The following TNRC6A variants were observed in gnomAD, a reference collection of about 807,000 sequenced individuals.
TNRC6A encodes trinucleotide repeat containing adaptor 6A.
In TNRC6A, 44 loss-of-function variants were observed where a neutral mutation model predicts 221.2. The observed-to-expected ratio is 0.20, with a 90% CI of 0.16 to 0.26. The LOEUF (loss-of-function observed/expected upper bound fraction) is 0.26, where lower values mean the gene tolerates loss of function less well. TNRC6A is among the 10% of genes least tolerant of loss of function. The pLI, the probability that TNRC6A is intolerant of heterozygous loss-of-function variation, is 1.00. For synonymous variants in TNRC6A, 847 were observed against 838.5 expected (o/e 1.01, Z -0.18); for missense variants, 2,199 against 2,404.4 (o/e 0.91, Z 1.79).
chr16:24,696,339 C>T (rs1322352287), intron 2 of TNRC6A, among the ~76,000 whole-genome samples: 5 of 104,698 alleles, frequency 4.8e-5, no homozygotes, highest in African/African-American at 2.1e-4. Context: ...CAGAGTCAGA[C>T]TCCATCTCAA....
At chr16:24,738,050 T>G (rs1359703146) in intron 2 of TNRC6A, among the ~76,000 whole-genome samples, 1 of 152,220 alleles carries the variant, frequency 6.6e-6, no homozygotes, top group South Asian at 2.1e-4. Context: ...ATGTGCATTC[T>G]CTACACTGCT....
intron 20 of TNRC6A, 134 bp downstream of exon 20, chr16:24,817,090 A>G: frequency 1.2e-6 from 1 of 821,328 alleles, no homozygotes; most frequent in Non-Finnish European, 1.8e-6. Flanking sequence ...GCTTGAGGCA[A>G]GCCTGGGCAA....
chr16:24,677,615 C>T (rs763374519), intron 2 of TNRC6A, among the ~76,000 whole-genome samples: 4 of 152,202 alleles, frequency 2.6e-5, no homozygotes, highest in East Asian at 3.8e-4. Flanking sequence ...TGAAACAGTG[C>T]GTGAATTACA....
At chr16:24,759,267 G>A (rs566108333) in intron 4 of TNRC6A, among the ~76,000 whole-genome samples, 30 of 152,268 alleles carry the variant, frequency 2.0e-4, no homozygotes, top group African/African-American at 7.2e-4. Context: ...TGAAAAGATA[G>A]ATAGGGGCCA....
intron 4 of TNRC6A, among the ~76,000 whole-genome samples, chr16:24,759,880 G>C (rs1596633909): frequency 6.6e-6 from 1 of 152,138 alleles, no homozygotes; most frequent in African/African-American, 2.4e-5. Context: ...ACAGTTACAA[G>C]GATGCGGAAT....
intron 5 of TNRC6A, among the ~76,000 whole-genome samples, chr16:24,786,934 G>A (rs1010589668): frequency 6.6e-6 from 1 of 152,154 alleles, no homozygotes; most frequent in Non-Finnish European, 1.5e-5. Context: ...CCTCGCCTTG[G>A]CCTCCCAAAG....
chr16:24,731,314 C>T (rs946994354), intron 2 of TNRC6A, among the ~76,000 whole-genome samples: 7 of 152,104 alleles, frequency 4.6e-5, no homozygotes, highest in Non-Finnish European at 7.4e-5. Context: ...TTTTAACACT[C>T]ACATTTCAAA....
At chr16:24,708,643 C>T (rs1011647229) in intron 2 of TNRC6A, among the ~76,000 whole-genome samples, 3 of 152,018 alleles carry the variant, frequency 2.0e-5, no homozygotes, top group African/African-American at 7.2e-5. Flanking sequence ...TTGTCTCTCA[C>T]CCACCTTCCA....
At chr16:24,666,334 G>A (rs987292593) in intron 2 of TNRC6A, among the ~76,000 whole-genome samples, 122 of 151,808 alleles carry the variant, frequency 8.0e-4, no homozygotes, top group African/African-American at 2.7e-3. Context: ...TTAGCCAGGC[G>A]TGGTGGCAGG....
intron 1 of TNRC6A, 99 bp downstream of exon 1, chr16:24,729,945 G>A: frequency 2.8e-6 from 3 of 1,064,826 alleles, no homozygotes; most frequent in Non-Finnish European, 3.5e-6. Context: ...GCGGCGCCGG[G>A]CGTCCCCGAG....
At chr16:24,817,369 G>C (rs1175138170) in intron 20 of TNRC6A, among the ~76,000 whole-genome samples, 1 of 152,140 alleles carries the variant, frequency 6.6e-6, no homozygotes, top group Non-Finnish European at 1.5e-5. Context: ...TGAGTTACAA[G>C]ATTATGGTAG....
At chr16:24,741,847 T>C (rs980354832) in intron 2 of TNRC6A, among the ~76,000 whole-genome samples, 68 of 152,154 alleles carry the variant, frequency 4.5e-4, no homozygotes, top group African/African-American at 1.6e-3. Context: ...TATTTATTTA[T>C]TTTTTGGGGG....
chr16:24,777,124 C>G lies in TNRC6A; in HGVS notation c.355C>G (p.Gln119Glu). The G allele has an allele frequency of 6.2e-7, 1 of 1,611,048 alleles. No individual in the cohort carries two copies. Among genetic ancestry groups the G allele is most frequent in the East Asian group, 2.2e-5 (1 of 44,492 alleles). The change falls in exon 5 of 25, where the codon CAG becomes GAG. Residue 119 changes from glutamine to glutamate, a missense_variant. Physicochemically the swap from Gln to Glu is conservative, Grantham distance 29. Transcript: ENST00000395799. The stretch of plus-strand genomic sequence containing the variant: ...GCAGCAGCCACAGCCGCAGCCGCAG[C>G]AGCAGCAGCCACAGCAGCAGCCACA... ...PQQQPQPQPQ[Q>E]QQPQQQPQAL...
intron 4 of TNRC6A, among the ~76,000 whole-genome samples, chr16:24,767,199 A>G (rs1483555609): frequency 6.6e-6 from 1 of 152,248 alleles, no homozygotes; most frequent in Non-Finnish European, 1.5e-5. Context: ...AATTTTGCCT[A>G]ATCCCAGGTG....
rs1252970472 is a variant in TNRC6A, at chr16:24,712,907, C to CTGTGTGTGTGTGTGTATGTGTGTG, written n.403-37804_403-37803insATGTGTGTGTGTGTGTGTGTGTGT. Among the ~76,000 whole-genome samples, 17 of 126,774 alleles carry CTGTGTGTGTGTGTGTATGTGTGTG rather than the reference C, an allele frequency of 1.3e-4. 1 individual carries two copies. The South Asian group carries it at 4.6e-3, about 34-fold the overall frequency. The allele number at this position is 126,774 out of a possible 152,430, so 83.2% of individuals were successfully genotyped here. ...AATTTGGGGCCATAGTTATGTGCCA[C>CTGTGTGTGTGTGTGTATGTGTGTG]TGTGTGTGTGTGTGTGTGTGTGTGT... On this transcript the variant is annotated intron_variant and non_coding_transcript_variant, in intron 2 of 2. Transcript: ENST00000566108.
Position 24,812,279 on chromosome 16 carries a change from T to C in TNRC6A, c.4672+2798T>C, listed in dbSNP as rs1333114080. Among the ~76,000 whole-genome samples, 5 of 152,020 alleles carry C rather than the reference T, an allele frequency of 3.3e-5. No individual in the cohort carries two copies. The East Asian group carries it at 9.7e-4, about 29-fold the overall frequency. Reference sequence around the variant, plus strand: ...GTTGGCCAGGCTGGTCTCGTTCTCCTGAACTCAGGTGATCTGCCTGCCTCA... The same window carrying C: ...GTTGGCCAGGCTGGTCTCGTTCTCCCGAACTCAGGTGATCTGCCTGCCTCA... On this transcript the variant is annotated intron_variant, in intron 18 of 24. Transcript: ENST00000395799.
intron 2 of TNRC6A, among the ~76,000 whole-genome samples, chr16:24,641,304 C>T (rs750277026): frequency 5.9e-5 from 9 of 152,118 alleles, no homozygotes; most frequent in Non-Finnish European, 1.0e-4. Context: ...AGCCATTCTG[C>T]GACCCATGCT....
intron 16 of TNRC6A, 119 bp from the exon 17 acceptor site, chr16:24,806,455 C>A (rs2058434003): frequency 2.2e-6 from 3 of 1,371,618 alleles, no homozygotes; most frequent in African/African-American, 2.9e-5. Flanking sequence ...GAACATTATA[C>A]AGTGATTATT....
intron 23 of TNRC6A, among the ~76,000 whole-genome samples, chr16:24,822,428 G>A (rs565680693): frequency 2.0e-5 from 3 of 152,322 alleles, no homozygotes; most frequent in South Asian, 2.1e-4. Context: ...TTGTATGAGG[G>A]CCTGCAGATG....
Sources: gnomAD v4.1 joint callset for allele counts (sites outside exome capture counted in the v4.1 genomes callset) on GRCh38, gnomAD v4.1.1 for gene constraint, MANE v1.5 for transcripts, NCBI Gene and HGNC (gene_info 2026-07-23, HGNC 2026-07-21) for gene names.